CEP128: variants seen among roughly 807,000 people sequenced by gnomAD.
CEP128 encodes the protein centrosomal protein 128, also known as centrosomal protein 128kDa.
CEP128 carries 132 observed loss-of-function variants against 156.7 expected under a neutral mutation model. The ratio of observed to expected loss-of-function variants is 0.84; its 90% confidence interval spans 0.73 to 0.97. The LOEUF is 0.97. Ranked by LOEUF, CEP128 falls within the 50% of genes least tolerant of loss-of-function variation. The pLI, the probability that CEP128 is intolerant of heterozygous loss-of-function variation, is 0.00. For synonymous variants in CEP128, 469 were observed against 448.9 expected (o/e 1.04, Z -0.57); for missense variants, 1,252 against 1,281.9 (o/e 0.98, Z 0.36).
At chr14:80,527,328 G>A in intron 22 of CEP128, 1 of 372,300 alleles carries the variant, frequency 2.7e-6, no homozygotes, top group Non-Finnish European at 5.4e-6. Context: ...TACTCAGGAG[G>A]CTGAGGTGGG....
At chr14:80,924,720 A>G (rs1406038362) in intron 2 of CEP128, among the ~76,000 whole-genome samples, 5 of 151,064 alleles carry the variant, frequency 3.3e-5, no homozygotes, top group Non-Finnish European at 5.9e-5. Context: ...TTTTCATTCT[A>G]TGGTTTCATG....
intron 23 of CEP128, among the ~76,000 whole-genome samples, chr14:80,509,367 A>G (rs1888139074): frequency 6.6e-6 from 1 of 152,180 alleles, no homozygotes; most frequent in Non-Finnish European, 1.5e-5. Flanking sequence ...GATATCTCAG[A>G]GTTGTGATTT....
At chr14:80,792,721 C>G (rs1420540342) in intron 14 of CEP128, 39 bp downstream of exon 14, 1 of 1,514,566 alleles carries the variant, frequency 6.6e-7, no homozygotes, top group Non-Finnish European at 9.1e-7. Flanking sequence ...ATGGTTGAAT[C>G]ACATTGAAAA....
In CEP128 at chr14:80,843,902, A is replaced by T. The variant is rs560138773; in HGVS notation, c.763-3134T>A. 2.6e-5 allele frequency among the ~76,000 whole-genome samples: 4 copies of T among 152,144 alleles called. No individual in the cohort carries two copies. The East Asian group carries it at 7.7e-4, about 29-fold the overall frequency. ...TTTTTGGACGCTTAAACACAGCTCC[A>T]AAGCCATCAAACATCAATAAAATAA... On this transcript the variant is annotated intron_variant, in intron 9 of 24. Transcript: ENST00000555265.
intron 19 of CEP128, among the ~76,000 whole-genome samples, chr14:80,736,331 G>C (rs959709257): frequency 6.6e-6 from 1 of 151,318 alleles, no homozygotes; most frequent in East Asian, 1.9e-4. Flanking sequence ...AGCTCAAATC[G>C]AATCTATTTT....
chr14:80,945,821 C>A (rs1441960639), upstream of CEP128: 1 of 152,194 alleles, frequency 6.6e-6, no homozygotes, highest in Non-Finnish European at 1.5e-5. Context: ...AACTACACAA[C>A]CACGAGGAAA....
intron 13 of CEP128, among the ~76,000 whole-genome samples, chr14:80,821,994 A>T (rs2140001856): frequency 6.6e-6 from 1 of 152,238 alleles, no homozygotes; most frequent in South Asian, 2.1e-4. Flanking sequence ...ATCAGATCTC[A>T]TGAGACTTAT....
chr14:80,921,383 C>A (rs1406793529), intron 2 of CEP128, among the ~76,000 whole-genome samples: 1 of 152,136 alleles, frequency 6.6e-6, no homozygotes, highest in African/African-American at 2.4e-5. Flanking sequence ...GGCCCCCTCA[C>A]CAGGTGATAC....
At chr14:80,763,521 T>C (rs533767321) in intron 16 of CEP128, among the ~76,000 whole-genome samples, 2 of 152,344 alleles carry the variant, frequency 1.3e-5, no homozygotes, top group East Asian at 3.9e-4. Flanking sequence ...CCTGTGTATC[T>C]ACCACCTATA....
chr14:80,680,037 T>C (rs554985411), intron 19 of CEP128, among the ~76,000 whole-genome samples: 4 of 152,334 alleles, frequency 2.6e-5, no homozygotes, highest in Admixed American at 6.5e-5. Context: ...TAGTTGCGCA[T>C]GCATTTTAGT....
chr14:80,523,200 C>T (rs1888820750), intron 23 of CEP128, among the ~76,000 whole-genome samples: 2 of 152,190 alleles, frequency 1.3e-5, no homozygotes, highest in Non-Finnish European at 2.9e-5. Context: ...ACATGGTCTG[C>T]TATTCCAACA....
In CEP128 at chr14:80,880,841, C is replaced by T. The variant is rs181946208; in HGVS notation, c.645+14877G>A. 8.2e-4 allele frequency among the ~76,000 whole-genome samples: 119 copies of T among 144,540 alleles called. 1 individual carries two copies. Among genetic ancestry groups the T allele is most frequent in the East Asian group, 2.4e-3 (12 of 4,986 alleles). 94.8% of individuals were successfully genotyped at this position (144,540 alleles called of 152,430 possible). A position where few individuals can be genotyped will look rare whatever the true frequency, so the allele number is the denominator to read the frequency against. ...TCTCGCCACTGCACTCCAGCCTGGG[C>T]GACAGAGCAAGACTCCATCTCAAAA... On this transcript the variant is annotated intron_variant, in intron 8 of 24. Coordinates refer to ENST00000555265, the MANE Select transcript of CEP128 (RefSeq NM_152446.5).
intron 21 of CEP128, among the ~76,000 whole-genome samples, chr14:80,555,586 TTA>T (rs1347428433): frequency 6.6e-6 from 1 of 152,134 alleles, no homozygotes; most frequent in Non-Finnish European, 1.5e-5. Context: ...CAAGTTAATT[TTA>T]TATGTGTACG....
chr14:80,953,294 T>TTA (rs1339779543), intron 2 of CEP128, among the ~76,000 whole-genome samples: 1 of 152,216 alleles, frequency 6.6e-6, no homozygotes, highest in African/African-American at 2.4e-5. Flanking sequence ...ATTAAAAAGA[T>TTA]GATAAACACG....
chr14:80,796,775 C>T (rs1014326750), intron 13 of CEP128, among the ~76,000 whole-genome samples: 30 of 152,262 alleles, frequency 2.0e-4, no homozygotes, highest in African/African-American at 7.2e-4. Context: ...GCCATACTAA[C>T]CCATCATCTC....
intron 12 of CEP128, among the ~76,000 whole-genome samples, chr14:80,833,101 C>G (rs1440396127): frequency 6.6e-6 from 1 of 152,000 alleles, no homozygotes. Flanking sequence ...TGATAGGTAA[C>G]CAACCTGAAA....
At chr14:80,694,407 C>A (rs181699820) in intron 19 of CEP128, among the ~76,000 whole-genome samples, 147 of 152,182 alleles carry the variant, frequency 9.7e-4, no homozygotes, top group African/African-American at 3.4e-3. Flanking sequence ...TGGGTATATA[C>A]CCAAAGGATT....
intron 19 of CEP128, among the ~76,000 whole-genome samples, chr14:80,670,432 A>T (rs551689041): frequency 6.6e-6 from 1 of 152,280 alleles, no homozygotes; most frequent in South Asian, 2.1e-4. Context: ...ACATACACAC[A>T]GGAATACTAC....
In CEP128 at chr14:80,523,579, A is replaced by C. The variant is rs137906120; in HGVS notation, c.3072+3290T>G. On this transcript the variant is annotated intron_variant, in intron 23 of 24. Coordinates refer to ENST00000555265, the MANE Select transcript of CEP128 (RefSeq NM_152446.5). ...ATGTTTGATTAATGCTGTGTTTAGA[A>C]AAACAACAACAAAAACATGAACATC... Among the ~76,000 whole-genome samples, 12 of 152,328 alleles carry C rather than the reference A, an allele frequency of 7.9e-5. No homozygotes were observed. In the East Asian group the frequency reaches 2.3e-3, roughly 29 times the overall value.
Sources: gnomAD v4.1 joint callset for allele counts (sites outside exome capture counted in the v4.1 genomes callset) on GRCh38, gnomAD v4.1.1 for gene constraint, MANE v1.5 for transcripts, NCBI Gene and HGNC (gene_info 2026-07-23, HGNC 2026-07-21) for gene names.